Variants in ROBO2 observed in about 807,000 individuals in gnomAD.
The protein encoded by ROBO2 is roundabout homolog 2.
ROBO2 carries 53 observed loss-of-function variants against 160.8 expected under a neutral mutation model. The ratio of observed to expected loss-of-function variants is 0.33; its 90% CI spans 0.26 to 0.41. The LOEUF (loss-of-function observed/expected upper bound fraction) is 0.41, where lower values mean the gene tolerates loss of function less well. Ranked by LOEUF, ROBO2 falls within the 10% of genes least tolerant of loss-of-function variation. The probability of loss-of-function intolerance (pLI) is 1.00; values close to 1 mark genes in which losing one functional copy is unlikely to be tolerated. For synonymous variants in ROBO2, 664 were observed against 611.7 expected, an observed-to-expected ratio of 1.09 and a Z score of -1.26; for missense variants, 1,577 against 1,722.4, an observed-to-expected ratio of 0.92 and a Z score of 1.49.
chr3:77,026,338 A>C (rs1390534780), intron 2 of ROBO2, among the ~76,000 whole-genome samples: 1 of 152,222 alleles, frequency 6.6e-6, no homozygotes, highest in Admixed American at 6.5e-5. Context: ...TTTCTATGAA[A>C]TATAGTAGAT....
chr3:75,987,550 C>T (rs1204625885), intron 2 of ROBO2, among the ~76,000 whole-genome samples: 1 of 151,838 alleles, frequency 6.6e-6, no homozygotes, highest in South Asian at 2.1e-4. Flanking sequence ...TATGTCTTTT[C>T]CTTGCCTGAT....
At chr3:77,343,024 T>C (rs1344184964) in intron 2 of ROBO2, among the ~76,000 whole-genome samples, 1 of 151,344 alleles carries the variant, frequency 6.6e-6, no homozygotes, top group Non-Finnish European at 1.5e-5. Context: ...TCCTTTTCTC[T>C]CTGTCTTCAC....
intron 2 of ROBO2, among the ~76,000 whole-genome samples, chr3:75,988,704 T>A (rs1342127669): frequency 6.6e-6 from 1 of 152,002 alleles, no homozygotes; most frequent in Non-Finnish European, 1.5e-5. Flanking sequence ...CTCCAAGTAT[T>A]TTCTAATTTC....
chr3:77,278,764 A>G (rs1004068387), intron 2 of ROBO2, among the ~76,000 whole-genome samples: 1 of 152,110 alleles, frequency 6.6e-6, no homozygotes, highest in Non-Finnish European at 1.5e-5. Context: ...TCACTTTTTT[A>G]TGGTGGCTTT....
At chr3:76,112,956 T>A (rs187973238) in intron 2 of ROBO2, among the ~76,000 whole-genome samples, 1 of 152,184 alleles carries the variant, frequency 6.6e-6, no homozygotes, top group East Asian at 1.9e-4. Flanking sequence ...AGGCAGTGAT[T>A]GATTGATTGA....
chr3:76,469,104 C>A (rs948534832), intron 2 of ROBO2, among the ~76,000 whole-genome samples: 2 of 152,128 alleles, frequency 1.3e-5, no homozygotes, highest in African/African-American at 4.8e-5. Context: ...ATAGTGAATT[C>A]TACTTCTTAT....
chr3:76,049,383 G>GTGTGTGTATATA lies in ROBO2; in HGVS notation c.109+111782_109+111783insGTGTGTATATAT, dbSNP rs1440395230. On this transcript the variant is annotated intron_variant, in intron 2 of 26. Coordinates refer to the ROBO2 transcript ENST00000487694. ...ATGCCACCACCCCTGGCTAATTTTA[G>GTGTGTGTATATA]TATATATATATATATATATATTTTT... is the stretch of plus-strand genomic sequence containing the variant. Among the ~76,000 whole-genome samples the GTGTGTGTATATA allele has an allele frequency of 2.7e-4, 10 of 36,822 alleles. 2 individuals are homozygous for GTGTGTGTATATA. Among genetic ancestry groups the GTGTGTGTATATA allele is most frequent in the African/African-American group, 9.0e-4 (8 of 8,876 alleles). The allele number at this position is 36,822 out of a possible 152,430, so 24.2% of individuals were successfully genotyped here. A position where few individuals can be genotyped will look rare whatever the true frequency, so the allele number is the denominator to read the frequency against.
At chr3:76,834,506 G>C (rs2067493652) in intron 2 of ROBO2, among the ~76,000 whole-genome samples, 1 of 151,950 alleles carries the variant, frequency 6.6e-6, no homozygotes, top group Non-Finnish European at 1.5e-5. Context: ...GCATGTAGCT[G>C]AGATTACAGG....
chr3:76,535,093 G>T (rs745599261), intron 2 of ROBO2, among the ~76,000 whole-genome samples: 1 of 151,974 alleles, frequency 6.6e-6, no homozygotes, highest in Non-Finnish European at 1.5e-5. Context: ...AAAAGAGGCT[G>T]GGAGGAGGGA....
chr3:76,906,816 T>C (rs2075637711), intron 2 of ROBO2, among the ~76,000 whole-genome samples: 1 of 152,182 alleles, frequency 6.6e-6, no homozygotes, highest in African/African-American at 2.4e-5. Context: ...GATTTTAGTT[T>C]ATCCTTTTTC....
At chr3:76,916,514 T>G (rs1174782629) in intron 2 of ROBO2, among the ~76,000 whole-genome samples, 1 of 147,614 alleles carries the variant, frequency 6.8e-6, no homozygotes, top group Non-Finnish European at 1.5e-5. Flanking sequence ...ACTAATTTTT[T>G]TATTGTTATT....
intron 2 of ROBO2, among the ~76,000 whole-genome samples, chr3:75,961,678 C>T (rs78433280): frequency 0.029 from 4,348 of 151,514 alleles, 197 homozygotes; most frequent in African/African-American, 0.093. Flanking sequence ...CAAACTGATC[C>T]TCTAAATAGA....
intron 1 of ROBO2, among the ~76,000 whole-genome samples, chr3:77,068,145 A>G (rs2149814861): frequency 6.6e-6 from 1 of 152,298 alleles, no homozygotes; most frequent in South Asian, 2.1e-4. Context: ...AGTTGTAACT[A>G]AAGGGAAGAG....
intron 2 of ROBO2, among the ~76,000 whole-genome samples, chr3:77,206,536 C>T (rs1187475837): frequency 2.0e-5 from 3 of 152,104 alleles, no homozygotes; most frequent in Admixed American, 6.5e-5. Flanking sequence ...TTCATCTTAA[C>T]TTGATTATGC....
chr3:77,059,023 G>A (rs577822620), intron 1 of ROBO2, among the ~76,000 whole-genome samples: 9 of 152,210 alleles, frequency 5.9e-5, no homozygotes, highest in African/African-American at 1.4e-4. Context: ...ACAAATAATC[G>A]TGCTGAATAT....
intron 2 of ROBO2, among the ~76,000 whole-genome samples, chr3:76,314,201 A>G (rs1040372523): frequency 2.6e-5 from 4 of 152,172 alleles, no homozygotes; most frequent in African/African-American, 9.7e-5. Flanking sequence ...AATTTAGAGC[A>G]TGACATAAGT....
intron 2 of ROBO2, among the ~76,000 whole-genome samples, chr3:76,211,290 T>C (rs562333056): frequency 1.6e-4 from 25 of 152,216 alleles, no homozygotes; most frequent in African/African-American, 5.8e-4. Context: ...ATTAAACATA[T>C]AGAGTGAAGA....
At chr3:76,681,427 G>A (rs1289359892) in intron 2 of ROBO2, among the ~76,000 whole-genome samples, 4 of 152,004 alleles carry the variant, frequency 2.6e-5, no homozygotes. Flanking sequence ...AGTTCATAGT[G>A]TTATCATTTT....
intron 2 of ROBO2, among the ~76,000 whole-genome samples, chr3:76,197,040 G>T (rs570281096): frequency 2.0e-5 from 3 of 152,198 alleles, no homozygotes; most frequent in African/African-American, 7.2e-5. Context: ...CAGTTAAGTC[G>T]CTGGTTATAC....
Sources: allele counts gnomAD v4.1 joint callset (sites outside exome capture counted in the v4.1 genomes callset), GRCh38; gene constraint gnomAD v4.1.1; transcripts MANE v1.5; gene names NCBI Gene and HGNC (gene_info 2026-07-23, HGNC 2026-07-21).